NPY2R: variants seen among roughly 807,000 people sequenced by gnomAD.
NPY2R encodes neuropeptide Y receptor Y2.
NPY2R carries 17 observed loss-of-function variants against 22.3 expected under a neutral mutation model. The observed-to-expected ratio is 0.76, with a 90% CI of 0.52 to 1.14. NPY2R has a LOEUF of 1.14. Among genes scored for constraint, NPY2R ranks in the 50% most tolerant of loss-of-function variants. The probability of loss-of-function intolerance (pLI) is 0.00; values close to 1 mark genes in which losing one functional copy is unlikely to be tolerated. For synonymous variants in NPY2R, 209 were observed against 183.4 expected, an observed-to-expected ratio of 1.14 and a Z score of -1.13; for missense variants, 424 against 467.9, an observed-to-expected ratio of 0.91 and a Z score of 0.87.
Position 155,214,897 on chromosome 4 carries a change from G to A in NPY2R, c.958G>A (p.Ala320Thr). 1 of 1,612,824 alleles carries A rather than the reference G, an allele frequency of 6.2e-7. No individual in the cohort carries two copies. The highest frequency in any genetic ancestry group is 8.5e-7 in the Non-Finnish European group (1 of 1,179,132). ...CATCATCGCCATGTGCTCCACTTTT[G>A]CCAATCCCCTTCTCTATGGCTGGAT... ...FHIIAMCSTF[A>T]NPLLYGWMNS... Residue 320 changes from alanine to threonine, a missense_variant, in exon 2 of 2, where the codon GCC becomes ACC. Ala to Thr is a moderately conservative substitution (Grantham distance 58). Transcript: ENST00000329476.
the NPY2R span, among the ~76,000 whole-genome samples, chr4:155,199,323 C>T: frequency 1.3e-5 from 2 of 151,858 alleles, no homozygotes; most frequent in Non-Finnish European, 2.9e-5. Context: ...ACATGAAAGA[C>T]CTCTGCAAGG....
chr4:155,176,283 C>G, the NPY2R span, among the ~76,000 whole-genome samples: 1 of 152,148 alleles, frequency 6.6e-6, no homozygotes, highest in South Asian at 2.1e-4. Flanking sequence ...TTGCAGTGAG[C>G]AGCAGGACCT....
the NPY2R span, among the ~76,000 whole-genome samples, chr4:155,176,265 G>T: frequency 6.6e-6 from 1 of 152,102 alleles, no homozygotes; most frequent in Non-Finnish European, 1.5e-5. Flanking sequence ...CTCAGCGACT[G>T]GAAGTCTTTG....
At chr4:155,178,421 G>A in the NPY2R span, among the ~76,000 whole-genome samples, 2 of 152,100 alleles carry the variant, frequency 1.3e-5, no homozygotes, top group Admixed American at 6.6e-5. Flanking sequence ...CTTAGCATGT[G>A]CACTAGCTTG....
the NPY2R span, among the ~76,000 whole-genome samples, chr4:155,197,364 T>C: frequency 2.0e-5 from 3 of 151,934 alleles, no homozygotes; most frequent in African/African-American, 7.2e-5. Flanking sequence ...AACCTACTTA[T>C]AATTTATGCT....
At chr4:155,193,960 T>C in the NPY2R span, among the ~76,000 whole-genome samples, 6 of 152,008 alleles carry the variant, frequency 3.9e-5, no homozygotes, top group Middle Eastern at 3.4e-3. Flanking sequence ...AAATGTGAAA[T>C]TGAAAGTGCT....
upstream of NPY2R, among the ~76,000 whole-genome samples, chr4:155,205,402 A>G (rs1729262564): frequency 6.6e-6 from 1 of 152,228 alleles, no homozygotes; most frequent in Non-Finnish European, 1.5e-5. Flanking sequence ...TGCTGTTAAA[A>G]TGAAATTACA....
intron 1 of NPY2R, among the ~76,000 whole-genome samples, chr4:155,210,723 A>G (rs1048949843): frequency 2.6e-5 from 4 of 152,178 alleles, no homozygotes; most frequent in Non-Finnish European, 4.4e-5. Flanking sequence ...GAGCAGGAAT[A>G]TATCAGTACG....
At chr4:155,179,557 G>A in the NPY2R span, among the ~76,000 whole-genome samples, 1 of 152,148 alleles carries the variant, frequency 6.6e-6, no homozygotes, top group Non-Finnish European at 1.5e-5. Flanking sequence ...TGTATACAGT[G>A]AGTCTTTTCA....
the NPY2R span, among the ~76,000 whole-genome samples, chr4:155,178,566 T>C: frequency 6.6e-6 from 1 of 152,208 alleles, no homozygotes; most frequent in African/African-American, 2.4e-5. Flanking sequence ...TGTCTACTTG[T>C]TCTACAAGTA....
chr4:155,185,939 C>T, the NPY2R span, among the ~76,000 whole-genome samples: 1 of 151,878 alleles, frequency 6.6e-6, no homozygotes, highest in Non-Finnish European at 1.5e-5. Context: ...CATGATAAAG[C>T]ATATACATCA....
At chr4:155,200,609 T>C in the NPY2R span, among the ~76,000 whole-genome samples, 64,312 of 151,854 alleles carry the variant, frequency 0.42, 14,972 homozygotes, top group African/African-American at 0.62. Context: ...AACCCAAATG[T>C]CCATGAATGA....
At chr4:155,195,052 T>C in the NPY2R span, among the ~76,000 whole-genome samples, 1 of 152,002 alleles carries the variant, frequency 6.6e-6, no homozygotes, top group Non-Finnish European at 1.5e-5. Context: ...CAAAGTTAAT[T>C]AAGCAAAGAG....
At chr4:155,179,960 C>T in the NPY2R span, among the ~76,000 whole-genome samples, 10 of 151,224 alleles carry the variant, frequency 6.6e-5, no homozygotes, top group Admixed American at 5.9e-4. Context: ...GAGACAAGTC[C>T]TATACTTTCT....
At chr4:155,175,711 T>C in the NPY2R span, among the ~76,000 whole-genome samples, 7 of 152,148 alleles carry the variant, frequency 4.6e-5, no homozygotes, top group Admixed American at 3.9e-4. Flanking sequence ...TGCTCACATG[T>C]CTGAGAAAGT....
upstream of NPY2R, among the ~76,000 whole-genome samples, chr4:155,204,755 A>G (rs2111026277): frequency 6.6e-6 from 1 of 151,592 alleles, no homozygotes; most frequent in Non-Finnish European, 1.5e-5. Context: ...AAAAGTAGAG[A>G]TTTTACACCA....
At chr4:155,210,892 C>T (rs2111038987) in intron 1 of NPY2R, among the ~76,000 whole-genome samples, 1 of 152,100 alleles carries the variant, frequency 6.6e-6, no homozygotes, top group South Asian at 2.1e-4. Flanking sequence ...GGAGCAGAAA[C>T]CTTTGAAACA....
upstream of NPY2R, among the ~76,000 whole-genome samples, chr4:155,205,045 C>T (rs372478501): frequency 5.9e-5 from 9 of 152,286 alleles, no homozygotes; most frequent in East Asian, 9.7e-4. Flanking sequence ...TGAAAAAGAT[C>T]TGAGTTTAAG....
chr4:155,192,683 AC>A, the NPY2R span, among the ~76,000 whole-genome samples: 1 of 151,950 alleles, frequency 6.6e-6, no homozygotes, highest in Non-Finnish European at 1.5e-5. Context: ...TCAATGAGTA[AC>A]CAAGAGTTTC....
Sources: gnomAD v4.1 joint callset for allele counts (sites outside exome capture counted in the v4.1 genomes callset) on GRCh38, gnomAD v4.1.1 for gene constraint, MANE v1.5 for transcripts, NCBI Gene and HGNC (gene_info 2026-07-23, HGNC 2026-07-21) for gene names.